ADAM19: variants seen among roughly 807,000 people sequenced by gnomAD.
ADAM19 encodes the protein disintegrin and metalloproteinase domain-containing protein 19.
In ADAM19, 65 loss-of-function variants were observed where a neutral mutation model predicts 114.7. That is an observed-to-expected ratio of 0.57 (90% CI 0.46 to 0.70). ADAM19 has a LOEUF of 0.70. ADAM19 is among the 30% of genes least tolerant of loss of function. The pLI is 0.00. For missense variants in ADAM19, 1,063 were observed against 1,204.7 expected, an observed-to-expected ratio of 0.88 and a Z score of 1.74; for synonymous variants, 466 against 460.5, an observed-to-expected ratio of 1.01 and a Z score of -0.15.
chr5:157,518,915 G>A (rs975254968), intron 6 of ADAM19, 27 bp from the exon 7 acceptor site: 1 of 1,597,718 alleles, frequency 6.3e-7, no homozygotes, highest in Admixed American at 1.7e-5. Context: ...GATCAGCGCT[G>A]TAGAAATAGT....
chr5:157,573,926 C>A (rs1757898089), intron 1 of ADAM19, among the ~76,000 whole-genome samples: 1 of 152,206 alleles, frequency 6.6e-6, no homozygotes, highest in African/African-American at 2.4e-5. Flanking sequence ...ATCAGCTTTA[C>A]TCTCCTGTTT....
At chr5:157,540,797 C>G (rs1309238306) in intron 3 of ADAM19, among the ~76,000 whole-genome samples, 2 of 152,182 alleles carry the variant, frequency 1.3e-5, no homozygotes, top group Non-Finnish European at 2.9e-5. Context: ...TGACCACATA[C>G]AGTAGTTTAA....
chr5:157,559,367 AG>A (rs1396374365), intron 3 of ADAM19, among the ~76,000 whole-genome samples: 1 of 152,232 alleles, frequency 6.6e-6, no homozygotes, highest in Non-Finnish European at 1.5e-5. Flanking sequence ...AGAAGACAGA[AG>A]CATATGGCCA....
intron 5 of ADAM19, among the ~76,000 whole-genome samples, chr5:157,521,539 TC>T (rs1442626437): frequency 4.6e-5 from 7 of 152,106 alleles, no homozygotes; most frequent in Admixed American, 2.0e-4. Flanking sequence ...CTCTGGAAAA[TC>T]AGCGCCAGGC....
rs1755393320 is a variant in ADAM19 at position 157,497,192 on chromosome 5, A to G, written c.1399-103T>C. 6.4e-6 allele frequency: 7 copies of G among 1,087,302 alleles called. No individual in the cohort carries two copies. In the South Asian group the frequency reaches 1.5e-4, roughly 23 times the overall value. 67.4% of individuals were successfully genotyped at this position (1,087,302 alleles called of 1,614,324 possible). On this transcript the variant is annotated intron_variant, in intron 13 of 22. Coordinates refer to ENST00000257527, the MANE Select transcript of ADAM19 (RefSeq NM_033274.5). ...TCACTCTCATAGAACAGAATTTTCC[A>G]TTACCATGATTTCACAGCACTTTTT...
chr5:157,510,879 C>A (rs922016288), intron 8 of ADAM19, among the ~76,000 whole-genome samples: 3 of 152,186 alleles, frequency 2.0e-5, no homozygotes, highest in African/African-American at 7.2e-5. Context: ...GCTTACTCTT[C>A]AAATTTTCTT....
At chr5:157,552,080 G>A (rs1757214178) in intron 3 of ADAM19, among the ~76,000 whole-genome samples, 1 of 152,160 alleles carries the variant, frequency 6.6e-6, no homozygotes, top group African/African-American at 2.4e-5. Flanking sequence ...GAACCCAGAA[G>A]GCGGAGGTTG....
chr5:157,496,184 T>G (rs1755358939), intron 14 of ADAM19, among the ~76,000 whole-genome samples: 1 of 151,856 alleles, frequency 6.6e-6, no homozygotes, highest in Admixed American at 6.6e-5. Flanking sequence ...ACACCTTGCA[T>G]TTTTCACTTA....
At chr5:157,563,710 G>A (rs564099006) in intron 3 of ADAM19, among the ~76,000 whole-genome samples, 1 of 152,308 alleles carries the variant, frequency 6.6e-6, no homozygotes, top group Admixed American at 6.5e-5. Flanking sequence ...GCCAAAGAAT[G>A]AGCCACAGAC....
chr5:157,496,007 G>C (rs1167745417), intron 14 of ADAM19, among the ~76,000 whole-genome samples: 4 of 144,792 alleles, frequency 2.8e-5, no homozygotes, highest in African/African-American at 1.0e-4. Context: ...CTAGAGTGGA[G>C]TGGCTCACTG....
chr5:157,555,471 G>GT (rs879332183), intron 3 of ADAM19, among the ~76,000 whole-genome samples: 1 of 152,112 alleles, frequency 6.6e-6, no homozygotes, highest in African/African-American at 2.4e-5. Flanking sequence ...TGCTCAATAT[G>GT]TTTTTTTCTC....
chr5:157,511,030 C>A (rs1322558879), intron 8 of ADAM19, among the ~76,000 whole-genome samples: 1 of 152,196 alleles, frequency 6.6e-6, no homozygotes, highest in Non-Finnish European at 1.5e-5. Flanking sequence ...TCTGACTCGA[C>A]CTCCTCGAGG....
At chr5:157,508,464 C>T (rs573491257) in intron 9 of ADAM19, among the ~76,000 whole-genome samples, 9 of 152,180 alleles carry the variant, frequency 5.9e-5, no homozygotes, top group Non-Finnish European at 1.0e-4. Context: ...CAAAAATTGG[C>T]CGGGCATGGT....
chr5:157,494,178 G>A (rs1330483065), intron 15 of ADAM19, among the ~76,000 whole-genome samples: 1 of 151,866 alleles, frequency 6.6e-6, no homozygotes, highest in Non-Finnish European at 1.5e-5. Flanking sequence ...ATGGATGGAT[G>A]GATGGATGGA....
chr5:157,515,971 G>C (rs185948959), intron 7 of ADAM19, among the ~76,000 whole-genome samples: 1 of 152,142 alleles, frequency 6.6e-6, no homozygotes, highest in Admixed American at 6.5e-5. Context: ...CAGCAGCAGG[G>C]TCTTGCTCTC....
intron 21 of ADAM19, among the ~76,000 whole-genome samples, chr5:157,484,417 G>A (rs1181915126): frequency 1.3e-5 from 2 of 152,022 alleles, no homozygotes; most frequent in East Asian, 1.9e-4. Context: ...GTTTTTTAAG[G>A]GGCAAAGAAT....
intron 4 of ADAM19, among the ~76,000 whole-genome samples, chr5:157,537,269 T>C (rs149920832): frequency 6.3e-4 from 96 of 152,328 alleles, no homozygotes; most frequent in Admixed American, 3.5e-3. Context: ...GAAATGTGTA[T>C]CATTCACTAC....
intron 3 of ADAM19, among the ~76,000 whole-genome samples, chr5:157,554,663 C>T (rs545804685): frequency 6.6e-6 from 1 of 152,344 alleles, no homozygotes; most frequent in South Asian, 2.1e-4. Context: ...GGAATTCCCT[C>T]TGACTTCATT....
Position 157,480,748 on chromosome 5 carries a change from T to C in ADAM19, c.*201A>G. ...TGCACAAAACAACACCTAGAGGCCA[T>C]CAGATCATAGTCCCTCTGGGCTTCC... On this transcript the variant is annotated 3_prime_UTR_variant, in exon 23 of 23. Coordinates refer to ENST00000257527, the MANE Select transcript of ADAM19 (RefSeq NM_033274.5). The C allele has an allele frequency of 1.4e-6, 2 of 1,424,542 alleles. No individual in the cohort carries two copies. Among genetic ancestry groups the C allele is most frequent in the East Asian group, 2.6e-5 (1 of 38,830 alleles). 88.2% of individuals were successfully genotyped at this position (1,424,542 alleles called of 1,614,324 possible).
Sources: allele counts gnomAD v4.1 joint callset (sites outside exome capture counted in the v4.1 genomes callset), GRCh38; gene constraint gnomAD v4.1.1; transcripts MANE v1.5; gene names NCBI Gene and HGNC (gene_info 2026-07-23, HGNC 2026-07-21).